CWH43: variants seen among roughly 807,000 people sequenced by gnomAD.
CWH43 encodes the protein PGAP2-interacting protein.
A neutral mutation model predicts 85.7 loss-of-function variants in CWH43; 91 were observed. The ratio of observed to expected loss-of-function variants is 1.06; its 90% CI spans 0.90 to 1.26. The LOEUF (loss-of-function observed/expected upper bound fraction) is 1.26. Ranked by LOEUF, CWH43 falls within the 50% of genes most tolerant of loss-of-function variation. The probability of loss-of-function intolerance (pLI) is 0.00; values close to 1 mark genes in which losing one functional copy is unlikely to be tolerated. For synonymous variants in CWH43, 323 were observed against 293.6 expected (o/e 1.10, Z -1.02); for missense variants, 869 against 839.2 (o/e 1.04, Z -0.44).
At chr4:49,002,408 C>A (rs1783019290) in intron 6 of CWH43, among the ~76,000 whole-genome samples, 1 of 151,966 alleles carries the variant, frequency 6.6e-6, no homozygotes. Context: ...AGTAAATGTT[C>A]CTGATATAAT....
At position 49,032,521 on chromosome 4, in the gene CWH43, A is replaced by G. The variant is rs1339832068; in HGVS notation, c.1509-45A>G. 4 of 1,607,020 alleles carry G rather than the reference A, an allele frequency of 2.5e-6. No homozygotes were observed. In the Admixed American group the frequency reaches 5.0e-5, roughly 20 times the overall value. The stretch of plus-strand genomic sequence containing the variant: ...TTGCTTAGTCCCAGTGCATGGTAGA[A>G]TGGGACTGACAATGATGCCCATGTC... On this transcript the variant is annotated intron_variant, in intron 11 of 15. Coordinates refer to ENST00000226432, the MANE Select transcript of CWH43 (RefSeq NM_025087.3).
chr4:49,050,234 T>A (rs1270546944), intron 14 of CWH43, among the ~76,000 whole-genome samples: 2 of 152,244 alleles, frequency 1.3e-5, no homozygotes, highest in Non-Finnish European at 2.9e-5. Flanking sequence ...TTGAAAGCTC[T>A]AAGCCAAAAC....
chr4:49,025,310 CCTT>C (rs1296827406), intron 9 of CWH43, among the ~76,000 whole-genome samples: 1 of 151,810 alleles, frequency 6.6e-6, no homozygotes, highest in Non-Finnish European at 1.5e-5. Flanking sequence ...TCTGGTGCCT[CCTT>C]GATTGGCTTA....
intron 15 of CWH43, among the ~76,000 whole-genome samples, chr4:49,054,248 G>A (rs536524554): frequency 2.2e-4 from 34 of 152,188 alleles, no homozygotes; most frequent in Non-Finnish European, 4.4e-5. Flanking sequence ...CCCCAACATT[G>A]CTTATTGAAA....
chr4:48,994,503 C>T (rs1204876107), intron 4 of CWH43, 116 bp from the exon 5 acceptor site: 21 of 812,866 alleles, frequency 2.6e-5, no homozygotes, highest in African/African-American at 1.4e-4. Context: ...TCTCCTCTTC[C>T]GAAGTAAGCT....
intron 8 of CWH43, among the ~76,000 whole-genome samples, chr4:49,009,153 A>G (rs1304467753): frequency 6.6e-6 from 1 of 152,020 alleles, no homozygotes; most frequent in Non-Finnish European, 1.5e-5. Flanking sequence ...TATTTCATTG[A>G]GCAGTGGTTT....
At chr4:49,033,712 A>C (rs1784176502) in intron 12 of CWH43, among the ~76,000 whole-genome samples, 1 of 152,210 alleles carries the variant, frequency 6.6e-6, no homozygotes. Flanking sequence ...TACTGAATAA[A>C]TCATGAATAA....
chr4:49,052,299 T>G (rs1292866658), intron 15 of CWH43, among the ~76,000 whole-genome samples: 2 of 152,144 alleles, frequency 1.3e-5, no homozygotes, highest in Non-Finnish European at 2.9e-5. Flanking sequence ...GTGAACAGCT[T>G]GGTAACTGTG....
At chr4:49,017,173 C>A (rs1384102079) in intron 8 of CWH43, 76 bp from the exon 9 acceptor site, 4 of 1,283,324 alleles carry the variant, frequency 3.1e-6, no homozygotes, top group Non-Finnish European at 4.4e-6. Context: ...AGCTGAGGCA[C>A]TGAAGGTCAG....
intron 1 of CWH43, chr4:48,986,743 G>A (rs1560481786): frequency 1.3e-5 from 17 of 1,306,114 alleles, no homozygotes; most frequent in Non-Finnish European, 1.7e-5. Flanking sequence ...TGTGCCCAAG[G>A]AGCGCGAATT....
At chr4:49,008,518 C>T in intron 8 of CWH43, among the ~76,000 whole-genome samples, 1 of 152,076 alleles carries the variant, frequency 6.6e-6, no homozygotes, top group East Asian at 1.9e-4. Context: ...TGTTGCGTTG[C>T]TTTTGGTGTT....
intron 8 of CWH43, among the ~76,000 whole-genome samples, chr4:49,016,374 T>C (rs1783546034): frequency 6.6e-6 from 1 of 152,156 alleles, no homozygotes; most frequent in Non-Finnish European, 1.5e-5. Context: ...TCCTGGCTTC[T>C]GATGGGAGGA....
In CWH43 at chr4:49,032,656, G is replaced by A. The variant is rs752344668; in HGVS notation, c.1599G>A (p.Leu533=). 1.1e-5 allele frequency: 18 copies of A among 1,613,888 alleles called. No homozygotes were observed. In the South Asian group the frequency reaches 1.9e-4, roughly 17 times the overall value. Reference sequence around the variant, plus strand: ...GCGAGATCGCACCAGCCATCACATTGACCGTTAACATTTCGGGCAAGCTGG... The same window carrying A: ...GCGAGATCGCACCAGCCATCACATTAACCGTTAACATTTCGGGCAAGCTGG... ...PEGEIAPAIT[L]TVNISGKLVD... The change falls in exon 12 of 16, where the codon TTG becomes TTA. Residue 533 remains leucine (L), a synonymous_variant. Coordinates refer to ENST00000226432, the MANE Select transcript of CWH43 (RefSeq NM_025087.3).
At chr4:49,032,794 C>CAA (rs772084172) in intron 12 of CWH43, 79 bp downstream of exon 12, 7 of 1,517,908 alleles carry the variant, frequency 4.6e-6, no homozygotes, top group Non-Finnish European at 6.4e-6. Flanking sequence ...TCTATGAAAT[C>CAA]ACCTTTCTCA....
chr4:49,014,443 A>G (rs368768246), intron 8 of CWH43, among the ~76,000 whole-genome samples: 1 of 148,866 alleles, frequency 6.7e-6, no homozygotes, highest in Non-Finnish European at 1.5e-5. Flanking sequence ...TGGATGACAG[A>G]ATGAGACTCT....
intron 15 of CWH43, among the ~76,000 whole-genome samples, chr4:49,052,120 C>T (rs1466316143): frequency 1.3e-5 from 2 of 152,100 alleles, no homozygotes; most frequent in African/African-American, 2.4e-5. Flanking sequence ...TCCCTCCTTA[C>T]AACAAGAAAA....
At chr4:49,025,173 T>C (rs533574902) in intron 9 of CWH43, among the ~76,000 whole-genome samples, 21 of 152,266 alleles carry the variant, frequency 1.4e-4, no homozygotes, top group African/African-American at 4.6e-4. Flanking sequence ...TTTGCCCTTC[T>C]CTAAGCGTGT....
At chr4:48,988,851 A>C (rs1782569975) in intron 2 of CWH43, among the ~76,000 whole-genome samples, 183 bp downstream of exon 2, 1 of 152,238 alleles carries the variant, frequency 6.6e-6, no homozygotes, top group African/African-American at 2.4e-5. Context: ...AATGTGTTTT[A>C]CATTTCCATT....
intron 7 of CWH43, among the ~76,000 whole-genome samples, chr4:49,005,740 T>C (rs995990301): frequency 6.6e-6 from 1 of 151,852 alleles, no homozygotes; most frequent in Non-Finnish European, 1.5e-5. Flanking sequence ...GGGGTCTCAC[T>C]TTGTTGCCCA....
Sources: gnomAD v4.1 joint callset for allele counts (sites outside exome capture counted in the v4.1 genomes callset) on GRCh38, gnomAD v4.1.1 for gene constraint, MANE v1.5 for transcripts, NCBI Gene and HGNC (gene_info 2026-07-23, HGNC 2026-07-21) for gene names.